IPO11: variants seen among roughly 807,000 people sequenced by gnomAD.
IPO11 encodes importin-11.
In IPO11, 66 loss-of-function variants were observed where a neutral mutation model predicts 143.2. The ratio of observed to expected loss-of-function variants is 0.46; its 90% CI spans 0.38 to 0.57. The LOEUF (loss-of-function observed/expected upper bound fraction) is 0.57. Among genes scored for constraint, IPO11 ranks in the 20% least tolerant of loss-of-function variants. The pLI is 0.00. For missense variants in IPO11, 1,026 were observed against 1,141.0 expected (o/e 0.90, Z 1.45); for synonymous variants, 385 against 377.8 (o/e 1.02, Z -0.22).
chr5:62,422,404 G>A (rs1743546235), intron 1 of IPO11: 1 of 152,442 alleles, frequency 6.6e-6, no homozygotes, highest in African/African-American at 2.4e-5. Context: ...TGGGATTACA[G>A]GTGTGAGCCA....
chr5:62,536,674 TTTTG>T lies in IPO11; in HGVS notation c.2090-23_2090-20del, dbSNP rs778208485. On this transcript the variant is annotated intron_variant, in intron 22 of 29. Transcript: ENST00000325324. ...TTTTGAGCAGTGAATTAATTTGGTT[TTTTG>T]TTTGACATTTATTGTTTTGGCAGAA... The T allele has an allele frequency of 7.0e-6, 11 of 1,569,674 alleles. No homozygotes were observed. In the South Asian group the frequency reaches 1.3e-4, roughly 19 times the overall value.
At chr5:62,535,026 T>G (rs1742687967) in intron 22 of IPO11, among the ~76,000 whole-genome samples, 1 of 143,386 alleles carries the variant, frequency 7.0e-6, no homozygotes, top group African/African-American at 2.6e-5. Flanking sequence ...AATATTTATT[T>G]ATTTATTTAT....
intron 1 of IPO11, among the ~76,000 whole-genome samples, chr5:62,435,233 C>T (rs1580174111): frequency 7.8e-6 from 1 of 127,986 alleles, no homozygotes; most frequent in Non-Finnish European, 1.6e-5. Flanking sequence ...TATATCAGAG[C>T]AGCTGTAGTA....
intron 22 of IPO11, 103 bp from the exon 23 acceptor site, chr5:62,536,599 G>A (rs1580297746): frequency 1.5e-6 from 2 of 1,338,796 alleles, no homozygotes; most frequent in African/African-American, 3.1e-5. Context: ...GAGGTTTCTA[G>A]AGTATGCAAA....
At chr5:62,495,009 A>G (rs1278289878) in intron 16 of IPO11, among the ~76,000 whole-genome samples, 1 of 152,220 alleles carries the variant, frequency 6.6e-6, no homozygotes, top group Non-Finnish European at 1.5e-5. Flanking sequence ...ATGCTGACAT[A>G]AAGAAAGCTA....
chr5:62,471,785 T>C (rs891600017), intron 7 of IPO11, among the ~76,000 whole-genome samples: 4 of 152,242 alleles, frequency 2.6e-5, no homozygotes, highest in Admixed American at 6.5e-5. Context: ...AGGATTCTTA[T>C]AATGTACTTA....
chr5:62,507,871 C>G (rs903514917), intron 19 of IPO11, among the ~76,000 whole-genome samples: 1 of 152,110 alleles, frequency 6.6e-6, no homozygotes. Context: ...CACAAATAGC[C>G]TAAGCAGCTT....
intron 29 of IPO11, among the ~76,000 whole-genome samples, chr5:62,604,143 A>G (rs1745611494): frequency 6.6e-6 from 1 of 152,212 alleles, no homozygotes; most frequent in Non-Finnish European, 1.5e-5. Flanking sequence ...GCTCATCTTT[A>G]AGCAATGCAT....
intron 1 of IPO11, among the ~76,000 whole-genome samples, chr5:62,426,705 G>T (rs1412213895): frequency 6.6e-6 from 1 of 151,458 alleles, no homozygotes; most frequent in Non-Finnish European, 1.5e-5. Flanking sequence ...AACCCCTGGA[G>T]CTTTCTTAAC....
Position 62,451,840 on chromosome 5 carries a change from T to A in IPO11, c.423T>A (p.Asp141Glu). 1.9e-6 allele frequency: 3 copies of A among 1,613,898 alleles called. No individual in the cohort carries two copies. The part of the protein sequence containing the change: ...TLIESVKVQD[D>E]LRQHRALLTF... ...TAGAGTCTGTTAAAGTCCAGGATGA[T>A]CTTCGACAGCACAGAGCATTACTTA... is the stretch of plus-strand genomic sequence containing the variant. The change falls in exon 5 of 30, where the codon GAT becomes GAA. Residue 141 changes from aspartate to glutamate, a missense_variant. This residue lies in a region of IPO11 where 429 missense variants were observed against 456.3 expected (regional missense o/e 0.94). Coordinates refer to ENST00000325324, the MANE Select transcript of IPO11 (RefSeq NM_016338.5).
intron 20 of IPO11, 90 bp from the exon 21 acceptor site, chr5:62,526,052 T>C: frequency 1.3e-6 from 1 of 762,166 alleles, no homozygotes; most frequent in Non-Finnish European, 2.2e-6. Flanking sequence ...TTTTAATTGG[T>C]TTTAGGGCTT....
At position 62,493,429 on chromosome 5, in the gene IPO11, C is replaced by A. The variant is rs76736925; in HGVS notation, c.1464-569C>A. Among the ~76,000 whole-genome samples, 942 of 152,148 alleles carry A rather than the reference C, an allele frequency of 6.2e-3. 4 individuals carry two copies. Among genetic ancestry groups the A allele is most frequent in the Middle Eastern group, 0.024 (7 of 294 alleles). ...GTTTTTATGAAACATACCTACATTG[C>A]GGTTCTTTAAGATAAAAGAGTCAGG... On this transcript the variant is annotated intron_variant, in intron 15 of 29. Coordinates refer to ENST00000325324, the MANE Select transcript of IPO11 (RefSeq NM_016338.5).
chr5:62,627,280 A>C lies in IPO11; in HGVS notation c.2890A>C (p.Ile964Leu). The change falls in exon 30 of 30, where the codon ATT becomes CTT. Residue 964 changes from isoleucine to leucine, a missense_variant. Around this residue, in one of 5 missense-constraint regions of IPO11, gnomAD observed 351 missense variants for 358.9 expected, o/e 0.98. Transcript: ENST00000325324. The stretch of plus-strand genomic sequence containing the variant: ...CCTCATGGAAACAGTGGATACGGAG[A>C]TTGTCACCCAGCTACAGGAGTTTTT... ...QSLMETVDTE[I>L]VTQLQEFLQG... 6.2e-7 allele frequency: 1 copy of C among 1,613,934 alleles called. No individual in the cohort carries two copies. The highest frequency in any genetic ancestry group is 1.1e-5 in the South Asian group (1 of 91,030).
rs138497358 is a variant in IPO11, at chr5:62,590,054, C to G, written c.2583-1523C>G. Among the ~76,000 whole-genome samples the G allele has an allele frequency of 1.5e-4, 23 of 152,288 alleles. No homozygotes were observed. The East Asian group carries it at 3.9e-3, about 26-fold the overall frequency. On this transcript the variant is annotated intron_variant, in intron 27 of 29. Transcript: ENST00000325324. ...TTCTGGGTTTGGTCAGTATAAAGTTCTGGATTTCAGTCTTGGCTTTAGCCG... is the reference window on the plus strand; with the variant it reads ...TTCTGGGTTTGGTCAGTATAAAGTTGTGGATTTCAGTCTTGGCTTTAGCCG...
At chr5:62,422,737 C>A (rs945150713) in intron 1 of IPO11, among the ~76,000 whole-genome samples, 6 of 152,200 alleles carry the variant, frequency 3.9e-5, no homozygotes, top group Admixed American at 2.0e-4. Flanking sequence ...GTTTTTCGGA[C>A]AGGTCTTCCT....
At position 62,471,345 on chromosome 5, in the gene IPO11, G is replaced by A. The variant is rs571187272; in HGVS notation, c.708+1037G>A. Among the ~76,000 whole-genome samples, 155 of 151,590 alleles carry A rather than the reference G, an allele frequency of 1.0e-3. 1 individual carries two copies. The highest frequency in any genetic ancestry group is 3.7e-3 in the African/African-American group (155 of 41,340). ...GCCATTAAAAAAAATAGTATTTTTT[G>A]TATATTGAGGTTTGATTGAAGTAAT... On this transcript the variant is annotated intron_variant, in intron 7 of 29. Coordinates refer to ENST00000325324, the MANE Select transcript of IPO11 (RefSeq NM_016338.5).
chr5:62,510,866 G>A (rs1741725797), intron 19 of IPO11, among the ~76,000 whole-genome samples: 1 of 152,046 alleles, frequency 6.6e-6, no homozygotes. Context: ...AGGAGTAGCT[G>A]GGATTACGGG....
At chr5:62,508,693 G>T (rs551338848) in intron 19 of IPO11, among the ~76,000 whole-genome samples, 6 of 147,718 alleles carry the variant, frequency 4.1e-5, no homozygotes, top group Admixed American at 2.0e-4. Flanking sequence ...TTGTTTTGCT[G>T]CACCCATCAT....
chr5:62,538,138 G>A (rs1742801345), intron 24 of IPO11, among the ~76,000 whole-genome samples: 1 of 152,208 alleles, frequency 6.6e-6, no homozygotes, highest in Non-Finnish European at 1.5e-5. Flanking sequence ...GCATTATGGT[G>A]TGAAAATCGT....
Sources: allele counts gnomAD v4.1 joint callset (sites outside exome capture counted in the v4.1 genomes callset), GRCh38; gene constraint gnomAD v4.1.1; regional missense constraint gnomAD v4.1.1; transcripts MANE v1.5; gene names NCBI Gene and HGNC (gene_info 2026-07-23, HGNC 2026-07-21).